Variants in NFAT5 observed in about 807,000 individuals in gnomAD.
The protein encoded by NFAT5 is nuclear factor of activated T-cells 5.
In NFAT5, 31 loss-of-function variants were observed where a neutral mutation model predicts 166.5. The observed-to-expected ratio is 0.19, with a 90% CI of 0.14 to 0.25. NFAT5 has a LOEUF of 0.25. Among genes scored for constraint, NFAT5 ranks in the 10% least tolerant of loss-of-function variants. NFAT5 has a pLI of 1.00. For missense variants in NFAT5, 1,449 were observed against 1,821.8 expected (o/e 0.80, Z 3.72); for synonymous variants, 612 against 639.7 (o/e 0.96, Z 0.65).
At chr16:69,670,396 T>C (rs951057524) in intron 9 of NFAT5, 108 bp downstream of exon 9, 5 of 649,282 alleles carry the variant, frequency 7.7e-6, no homozygotes, top group Non-Finnish European at 1.3e-5. Context: ...TCCTATGGGA[T>C]TGATATGAAT....
intron 2 of NFAT5, among the ~76,000 whole-genome samples, chr16:69,604,636 C>T (rs544698555): frequency 6.6e-6 from 1 of 152,052 alleles, no homozygotes; most frequent in East Asian, 1.9e-4. Context: ...TAAAGAAAAC[C>T]CTGTTGTGCA....
rs1193651303 is a variant in NFAT5, at chr16:69,698,359, G to C, written c.*2008G>C. The C allele has an allele frequency of 6.6e-6, 1 of 152,236 alleles. No individual in the cohort carries two copies. Among genetic ancestry groups the C allele is most frequent in the African/African-American group, 2.4e-5 (1 of 41,358 alleles). 9.4% of individuals were successfully genotyped at this position (152,236 alleles called of 1,614,324 possible). A position where few individuals can be genotyped will look rare whatever the true frequency, so the allele number is the denominator to read the frequency against. On this transcript the variant is annotated 3_prime_UTR_variant, in exon 15 of 15. Coordinates refer to ENST00000349945, the MANE Select transcript of NFAT5 (RefSeq NM_138713.4). ...TATACTATTTTGCTATTTGTACTGA[G>C]TGAGTACATTGGCATAAATATAGAA...
At chr16:69,652,201 C>G (rs1597473879) in intron 4 of NFAT5, among the ~76,000 whole-genome samples, 1 of 152,048 alleles carries the variant, frequency 6.6e-6, no homozygotes, top group South Asian at 2.1e-4. Context: ...CTTGTAATCC[C>G]AGCACTTTGG....
At chr16:69,651,282 C>A (rs1393192258) in intron 4 of NFAT5, among the ~76,000 whole-genome samples, 1 of 152,198 alleles carries the variant, frequency 6.6e-6, no homozygotes, top group Non-Finnish European at 1.5e-5. Context: ...AGTATTGCGC[C>A]TTGAGAACTT....
chr16:69,676,934 A>G, intron 9 of NFAT5: 1 of 334,252 alleles, frequency 3.0e-6, no homozygotes, highest in Non-Finnish European at 5.4e-6. Flanking sequence ...CAGTGTGGCT[A>G]CAGTGTAGTG....
chr16:69,644,749 T>G (rs931977692), intron 3 of NFAT5: 3 of 414,116 alleles, frequency 7.2e-6, no homozygotes, highest in Non-Finnish European at 1.4e-5. Context: ...AACTTGCTTT[T>G]GGGTTCATGA....
intron 2 of NFAT5, among the ~76,000 whole-genome samples, chr16:69,574,043 G>A (rs755142437): frequency 2.0e-5 from 3 of 151,804 alleles, no homozygotes; most frequent in Non-Finnish European, 4.4e-5. Flanking sequence ...GGCTAATACT[G>A]TATTTTTATT....
At position 69,692,465 on chromosome 16, in the gene NFAT5, T is replaced by C. The variant is rs1379565337; in HGVS notation, c.2640T>C (p.Pro880=). The change falls in exon 13 of 15, where the codon CCT becomes CCC. Residue 880 remains proline, a synonymous_variant. Coordinates refer to ENST00000349945, the MANE Select transcript of NFAT5 (RefSeq NM_138713.4). ...ATACCAGACCAGATAATTTATTACC[T>C]GGAAGAGCTGAAAGTGTTCATCCAC... ...TVHTRPDNLL[P]GRAESVHPQS... 7 of 1,614,106 alleles carry C rather than the reference T, an allele frequency of 4.3e-6. No homozygotes were observed. The highest frequency in any genetic ancestry group is 1.1e-5 in the South Asian group (1 of 91,084).
At chr16:69,690,274 T>TTGGG (rs1222370029) in intron 11 of NFAT5, among the ~76,000 whole-genome samples, 1 of 152,200 alleles carries the variant, frequency 6.6e-6, no homozygotes, top group Non-Finnish European at 1.5e-5. Context: ...TTCATTTTGC[T>TTGGG]TGGGAAATTT....
intron 2 of NFAT5, among the ~76,000 whole-genome samples, chr16:69,585,272 G>A (rs1054895574): frequency 1.3e-5 from 2 of 151,716 alleles, no homozygotes; most frequent in African/African-American, 4.8e-5. Flanking sequence ...GCCTCCCAAA[G>A]TGCTGGGATT....
At chr16:69,569,446 A>G (rs2016306230) in intron 2 of NFAT5, among the ~76,000 whole-genome samples, 1 of 152,004 alleles carries the variant, frequency 6.6e-6, no homozygotes, top group South Asian at 2.1e-4. Context: ...TTTATGGTCT[A>G]CTTTAAAAAG....
At chr16:69,593,962 A>T (rs574033807) in intron 2 of NFAT5, among the ~76,000 whole-genome samples, 11 of 152,236 alleles carry the variant, frequency 7.2e-5, no homozygotes, top group Admixed American at 6.5e-4. Flanking sequence ...TGACTACTTT[A>T]ATAGGTTCAG....
chr16:69,664,588 A>G (rs895648039), intron 7 of NFAT5, among the ~76,000 whole-genome samples: 1 of 152,226 alleles, frequency 6.6e-6, no homozygotes, highest in Non-Finnish European at 1.5e-5. Context: ...CCCGGCCTCA[A>G]CTTTATTTTT....
intron 2 of NFAT5, among the ~76,000 whole-genome samples, chr16:69,574,009 T>G (rs894434394): frequency 6.6e-6 from 1 of 151,812 alleles, no homozygotes; most frequent in African/African-American, 2.4e-5. Flanking sequence ...GTAGCTGGGA[T>G]TACAAGGGCG....
In NFAT5 at chr16:69,700,191, T is replaced by TCTCCCTTCCTTC. The variant is rs1276173453; in HGVS notation, c.*3843_*3854dup. 1 of 151,754 alleles carries TCTCCCTTCCTTC rather than the reference T, an allele frequency of 6.6e-6. No individual in the cohort carries two copies. Among genetic ancestry groups the TCTCCCTTCCTTC allele is most frequent in the Non-Finnish European group, 1.5e-5 (1 of 67,900 alleles). The allele number at this position is 151,754 out of a possible 1,614,324, so 9.4% of individuals were successfully genotyped here. A position where few individuals can be genotyped will look rare whatever the true frequency, so the allele number is the denominator to read the frequency against. Reference sequence around the variant, plus strand: ...TTCCCTTATTCCTCCCTCCCTCCTTTCTCCCTTCCTTCCTTTCTTCCATTC... The same window carrying TCTCCCTTCCTTC: ...TTCCCTTATTCCTCCCTCCCTCCTTTCTCCCTTCCTTCCTCCCTTCCTTCCTTTCTTCCATTC... On this transcript the variant is annotated 3_prime_UTR_variant, in exon 15 of 15. Transcript: ENST00000349945.
At chr16:69,586,954 T>C (rs1012955005) in intron 2 of NFAT5, among the ~76,000 whole-genome samples, 15 of 152,208 alleles carry the variant, frequency 9.9e-5, no homozygotes, top group African/African-American at 3.1e-4. Context: ...TATTAGACAT[T>C]GGTAGGGGTT....
chr16:69,590,814 T>C (rs1168063397), intron 2 of NFAT5, among the ~76,000 whole-genome samples: 1 of 152,210 alleles, frequency 6.6e-6, no homozygotes, highest in East Asian at 1.9e-4. Context: ...TGTTGTGGGA[T>C]TAGAGTGAGA....
intron 9 of NFAT5, chr16:69,676,998 TA>T: frequency 2.0e-6 from 1 of 494,398 alleles, no homozygotes; most frequent in Non-Finnish European, 3.5e-6. Context: ...CTTGACCTTG[TA>T]AGCCATTATA....
chr16:69,691,617 TC>T, intron 12 of NFAT5, 131 bp from the exon 13 acceptor site: 1 of 671,888 alleles, frequency 1.5e-6, no homozygotes, highest in Non-Finnish European at 2.5e-6. Flanking sequence ...GTACCTGTTT[TC>T]TAAATGATAA....
Sources: gnomAD v4.1 joint callset for allele counts (sites outside exome capture counted in the v4.1 genomes callset) on GRCh38, gnomAD v4.1.1 for gene constraint, MANE v1.5 for transcripts, NCBI Gene and HGNC (gene_info 2026-07-23, HGNC 2026-07-21) for gene names.